PCLAF: variants seen among roughly 807,000 people sequenced by gnomAD.
The protein encoded by PCLAF is PCNA clamp associated factor, also known as PCNA-associated factor.
Under a neutral mutation model 15.1 loss-of-function variants are expected in PCLAF, and 12 were observed. The ratio of observed to expected loss-of-function variants is 0.79; its 90% CI spans 0.51 to 1.29. The LOEUF is 1.29. Ranked by LOEUF, PCLAF falls within the 50% of genes most tolerant of loss-of-function variation. PCLAF has a pLI of 0.00. For synonymous variants in PCLAF, 33 were observed against 47.1 expected, an observed-to-expected ratio of 0.70 and a Z score of 1.22; for missense variants, 116 against 130.9, an observed-to-expected ratio of 0.89 and a Z score of 0.56.
intron 2 of PCLAF, among the ~76,000 whole-genome samples, chr15:64,380,098 A>C (rs1345355053): frequency 6.6e-6 from 1 of 152,170 alleles, no homozygotes. Flanking sequence ...TAAGAAAAAT[A>C]ATAGCTGGGC....
chr15:64,373,609 G>A, intron 3 of PCLAF: 2 of 1,490,806 alleles, frequency 1.3e-6, no homozygotes, highest in Non-Finnish European at 1.8e-6. Flanking sequence ...CCGGCATACT[G>A]GTTAAAGGAA....
chr15:64,380,975 G>A lies in PCLAF; in HGVS notation c.110C>T (p.Ser37Leu). The change falls in exon 2 of 4, where the codon TCA becomes TTA. Residue 37 changes from serine (S) to leucine (L), a missense_variant. Transcript: ENST00000300035. ...GSSTSATNST[S>L]VSSRKAENKY... ...CTTCTTACCTTTCCTCGATGAAACT[G>A]ATGTCGAATTAGTGGCAGAGGTGGA... is the stretch of plus-strand genomic sequence containing the variant. The A allele has an allele frequency of 6.2e-7, 1 of 1,614,062 alleles. No homozygotes were observed. Among genetic ancestry groups the A allele is most frequent in the Non-Finnish European group, 8.5e-7 (1 of 1,179,964 alleles).
chr15:64,373,448 C>T (rs763567698), intron 3 of PCLAF: 4 of 452,668 alleles, frequency 8.8e-6, no homozygotes, highest in African/African-American at 4.0e-5. Flanking sequence ...CATTTGGATT[C>T]GGTTTTAGTG....
In PCLAF at chr15:64,366,050, T is replaced by C. The variant is rs1323858376; in HGVS notation, c.316A>G (p.Thr106Ala). 5 of 1,611,922 alleles carry C rather than the reference T, an allele frequency of 3.1e-6. No homozygotes were observed. In the East Asian group the frequency reaches 1.1e-4, roughly 36 times the overall value. ...RKACPLQPDHTNDEKE is the reference protein window; with the variant it reads ...RKACPLQPDHANDEKE ...AAGTTCTATTCTTTTTCATCATTTG[T>C]GTGATCAGGTTGCAAAGGACATGCT... is the stretch of plus-strand genomic sequence containing the variant. Residue 106 changes from threonine (T) to alanine (A), a missense_variant, in exon 4 of 4, where the codon ACA (threonine) becomes GCA (alanine). Coordinates refer to ENST00000300035, the MANE Select transcript of PCLAF (RefSeq NM_014736.6).
intron 1 of PCLAF, among the ~76,000 whole-genome samples, chr15:64,387,112 A>G (rs1278534318): frequency 1.3e-5 from 2 of 152,008 alleles, no homozygotes; most frequent in Non-Finnish European, 2.9e-5. Flanking sequence ...ACATGGCTCA[A>G]AAAATAAAAT....
At chr15:64,387,377 G>C in intron 1 of PCLAF, 2 of 960,560 alleles carry the variant, frequency 2.1e-6, no homozygotes, top group Non-Finnish European at 2.6e-6. Flanking sequence ...GCGAGACTCC[G>C]TCTCAAAATA....
chr15:64,365,992 A>G lies in PCLAF; in HGVS notation c.*38T>C, dbSNP rs1899012854. The G allele has an allele frequency of 6.6e-7, 1 of 1,518,018 alleles. No individual in the cohort carries two copies. The highest frequency in any genetic ancestry group is 1.4e-5 in the African/African-American group (1 of 72,888). 94.0% of individuals were successfully genotyped at this position (1,518,018 alleles called of 1,614,324 possible). ...AATTTACATTCTAGAATACCAGGGT[A>G]AACAAGGAGACGTTATTCAAAGATG... is the stretch of plus-strand genomic sequence containing the variant. On this transcript the variant is annotated 3_prime_UTR_variant, in exon 4 of 4. Transcript: ENST00000300035.
At chr15:64,371,108 C>G (rs1257991384) in intron 3 of PCLAF, among the ~76,000 whole-genome samples, 7 of 150,538 alleles carry the variant, frequency 4.6e-5, no homozygotes, top group Non-Finnish European at 1.0e-4. Context: ...AGCTGGGACT[C>G]CAGGTGCCTG....
chr15:64,376,671 G>A (rs190805379), intron 3 of PCLAF, 72 bp downstream of exon 3: 24,678 of 1,258,572 alleles, frequency 0.02, 322 homozygotes, highest in Non-Finnish European at 0.024. Context: ...CTCCCGCCTC[G>A]GCCTCCCAAA....
At chr15:64,378,897 C>T (rs1316900017) in intron 2 of PCLAF, among the ~76,000 whole-genome samples, 11 of 149,996 alleles carry the variant, frequency 7.3e-5, no homozygotes, top group Non-Finnish European at 1.5e-4. Flanking sequence ...GGTGACAGAG[C>T]GAGACTGTGT....
At chr15:64,374,723 G>GT (rs1442272415) in intron 3 of PCLAF, among the ~76,000 whole-genome samples, 1 of 151,880 alleles carries the variant, frequency 6.6e-6, no homozygotes, top group African/African-American at 2.4e-5. Context: ...GCACATGCCT[G>GT]TAATTCCAGC....
chr15:64,378,388 A>G (rs746093531), intron 2 of PCLAF, among the ~76,000 whole-genome samples: 22 of 152,182 alleles, frequency 1.4e-4, no homozygotes, highest in Non-Finnish European at 3.1e-4. Flanking sequence ...GAATGCTTAC[A>G]AAAGTTGTTT....
intron 2 of PCLAF, among the ~76,000 whole-genome samples, chr15:64,379,608 C>A (rs1009181136): frequency 2.0e-5 from 3 of 152,126 alleles, no homozygotes; most frequent in Non-Finnish European, 4.4e-5. Flanking sequence ...TAAATGTTTT[C>A]TAATGAAATG....
upstream of PCLAF, among the ~76,000 whole-genome samples, chr15:64,384,150 T>C (rs550393919): frequency 1.4e-4 from 21 of 152,256 alleles, no homozygotes; most frequent in East Asian, 4.1e-3. Context: ...ATTTATTAAT[T>C]TTGAGACAGA....
chr15:64,369,739 A>G (rs1276433646), intron 3 of PCLAF, among the ~76,000 whole-genome samples: 1 of 152,072 alleles, frequency 6.6e-6, no homozygotes, highest in Non-Finnish European at 1.5e-5. Context: ...AATAATTCTC[A>G]ATATTTTATA....
rs1054083673 is a variant in PCLAF, at chr15:64,373,591, A to G, written c.290+3152T>C. 15 of 1,451,454 alleles carry G rather than the reference A, an allele frequency of 1.0e-5. No homozygotes were observed. In the Admixed American group the frequency reaches 2.2e-4, roughly 21 times the overall value. The allele number at this position is 1,451,454 out of a possible 1,614,324, so 89.9% of individuals were successfully genotyped here. ...TGGAGGGCTTTGTGGTTTCGGCTGC[A>G]GTAGCTTCCGGCATACTGGTTAAAG... On this transcript the variant is annotated intron_variant, in intron 3 of 3. Transcript: ENST00000300035.
intron 3 of PCLAF, among the ~76,000 whole-genome samples, chr15:64,375,168 A>G (rs988591323): frequency 6.6e-6 from 1 of 152,126 alleles, no homozygotes; most frequent in Non-Finnish European, 1.5e-5. Flanking sequence ...TCTGTCCCCC[A>G]GGCTGGAGTG....
chr15:64,370,259 T>G (rs2414848), intron 3 of PCLAF, among the ~76,000 whole-genome samples: 118,006 of 148,026 alleles, frequency 0.8, 47,851 homozygotes, highest in East Asian at 0.95. Flanking sequence ...TTTTTTTTTT[T>G]TTTTTGTGTA....
rs1899796074 is a variant in PCLAF, at chr15:64,380,989, G to T, written c.96C>A (p.Ala32=). The T allele has an allele frequency of 2.5e-6, 4 of 1,614,096 alleles. No homozygotes were observed. The East Asian group carries it at 8.9e-5, about 36-fold the overall frequency. The change falls in exon 2 of 4, where the codon GCC becomes GCA. Residue 32 remains alanine (A), a synonymous_variant. Coordinates refer to ENST00000300035, the MANE Select transcript of PCLAF (RefSeq NM_014736.6). ...PRKVLGSSTS[A]TNSTSVSSRK... is the part of the protein sequence containing the mutation. ...TCGATGAAACTGATGTCGAATTAGT[G>T]GCAGAGGTGGAAGAACCAAGCACCT...
Sources: gnomAD v4.1 joint callset for allele counts (sites outside exome capture counted in the v4.1 genomes callset) on GRCh38, gnomAD v4.1.1 for gene constraint, MANE v1.5 for transcripts, NCBI Gene and HGNC (gene_info 2026-07-23, HGNC 2026-07-21) for gene names.